Variants in ST6GALNAC3 observed in about 807,000 individuals in gnomAD.
The protein encoded by ST6GALNAC3 is alpha-N-acetylgalactosaminide alpha-2,6-sialyltransferase 3.
A neutral mutation model predicts 32.7 loss-of-function variants in ST6GALNAC3; 25 were observed. The ratio of observed to expected loss-of-function variants is 0.76; its 90% confidence interval spans 0.56 to 1.07. ST6GALNAC3 has a LOEUF of 1.07. Ranked by LOEUF, ST6GALNAC3 falls within the 50% of genes least tolerant of loss-of-function variation. The pLI, the probability that ST6GALNAC3 is intolerant of heterozygous loss-of-function variation, is 0.00. For missense variants in ST6GALNAC3, 355 were observed against 382.4 expected (o/e 0.93, Z 0.60); for synonymous variants, 129 against 133.1 (o/e 0.97, Z 0.21).
intron 2 of ST6GALNAC3, among the ~76,000 whole-genome samples, chr1:76,352,049 G>C (rs1448363442): frequency 2.0e-5 from 3 of 151,902 alleles, no homozygotes; most frequent in African/African-American, 7.3e-5. Flanking sequence ...ATGTGGGAGG[G>C]GGTATAAGTA....
intron 3 of ST6GALNAC3, among the ~76,000 whole-genome samples, chr1:76,470,005 A>G (rs1242201396): frequency 6.6e-6 from 1 of 152,084 alleles, no homozygotes; most frequent in African/African-American, 2.4e-5. Flanking sequence ...TAAAACTTCA[A>G]CTACTAAATA....
chr1:76,562,946 A>G (rs1665332497), intron 3 of ST6GALNAC3, among the ~76,000 whole-genome samples: 1 of 152,152 alleles, frequency 6.6e-6, no homozygotes, highest in Non-Finnish European at 1.5e-5. Flanking sequence ...TTGCACATAG[A>G]AGGAAGGCAT....
chr1:76,616,082 A>G (rs1648273105), intron 3 of ST6GALNAC3, among the ~76,000 whole-genome samples: 3 of 152,186 alleles, frequency 2.0e-5, no homozygotes, highest in African/African-American at 7.2e-5. Context: ...TGCACAGAAG[A>G]ACTTCTTCCA....
intron 1 of ST6GALNAC3, among the ~76,000 whole-genome samples, chr1:76,091,065 C>T (rs1402475369): frequency 6.6e-6 from 1 of 152,160 alleles, no homozygotes; most frequent in Non-Finnish European, 1.5e-5. Context: ...GCAATGACAT[C>T]TCTCTCCTTG....
chr1:76,385,321 A>G (rs929012907), intron 2 of ST6GALNAC3, among the ~76,000 whole-genome samples: 1 of 152,112 alleles, frequency 6.6e-6, no homozygotes, highest in Admixed American at 6.6e-5. Flanking sequence ...TTATTATGGA[A>G]CTAGATATAA....
rs1009699009 is a variant in ST6GALNAC3, at chr1:76,202,267, C to CGTGTGT, written c.19-111538_19-111537insGTGTGT. On this transcript the variant is annotated intron_variant, in intron 1 of 4. Transcript: ENST00000328299. Reference sequence around the variant, plus strand: ...TGTGGGTGGAGAGTGTGTGTGCATGCATGTGTGTGTGTGTGTGTGTGTGTG... The same window carrying CGTGTGT: ...TGTGGGTGGAGAGTGTGTGTGCATGCGTGTGTATGTGTGTGTGTGTGTGTGTGTGTG... 3.1e-3 allele frequency among the ~76,000 whole-genome samples: 301 copies of CGTGTGT among 96,868 alleles called. 1 individual carries two copies. Among genetic ancestry groups the CGTGTGT allele is most frequent in the African/African-American group, 0.01 (276 of 27,106 alleles). The allele number at this position is 96,868 out of a possible 152,430, so 63.5% of individuals were successfully genotyped here.
intron 2 of ST6GALNAC3, among the ~76,000 whole-genome samples, chr1:76,377,655 A>C (rs575263131): frequency 6.6e-6 from 1 of 152,168 alleles, no homozygotes; most frequent in Non-Finnish European, 1.5e-5. Flanking sequence ...AAACTATATC[A>C]TTGAGTATCC....
intron 3 of ST6GALNAC3, among the ~76,000 whole-genome samples, chr1:76,556,821 A>G (rs1664955387): frequency 6.6e-6 from 1 of 152,096 alleles, no homozygotes; most frequent in Non-Finnish European, 1.5e-5. Flanking sequence ...CTTGTGGGCT[A>G]TCTTTTCACT....
intron 3 of ST6GALNAC3, among the ~76,000 whole-genome samples, chr1:76,536,736 A>C (rs1014554556): frequency 3.2e-5 from 4 of 125,524 alleles, no homozygotes; most frequent in African/African-American, 1.1e-4. Context: ...AGATCAAAAA[A>C]GACAAAGAAG....
chr1:76,634,054 C>A lies in ST6GALNAC3; in HGVS notation c.*5248C>A. 1 of 493,984 alleles carries A rather than the reference C, an allele frequency of 2.0e-6. No homozygotes were observed. The highest frequency in any genetic ancestry group is 2.6e-6 in the Non-Finnish European group (1 of 383,148). The allele number at this position is 493,984 out of a possible 1,614,324, so 30.6% of individuals were successfully genotyped here. On this transcript the variant is annotated 3_prime_UTR_variant, in exon 5 of 5. Coordinates refer to ENST00000328299, the MANE Select transcript of ST6GALNAC3 (RefSeq NM_152996.4). ...ATTTAGTTTTTTTCTTTTTTTTTTT[C>A]AGTTAACTACTTGTTTGTTTCTTTT... is the stretch of plus-strand genomic sequence containing the variant.
chr1:76,147,346 A>G (rs1174924816), intron 1 of ST6GALNAC3, among the ~76,000 whole-genome samples: 2 of 152,176 alleles, frequency 1.3e-5, no homozygotes, highest in African/African-American at 4.8e-5. Flanking sequence ...TACAGGCGTG[A>G]GCTGCTGTTC....
At chr1:76,434,259 G>T (rs1655974299) in intron 3 of ST6GALNAC3, among the ~76,000 whole-genome samples, 3 of 152,174 alleles carry the variant, frequency 2.0e-5, no homozygotes, top group Non-Finnish European at 2.9e-5. Context: ...TGCTTGTAAA[G>T]TTGTTTTTAC....
At chr1:76,609,402 G>A (rs974893386) in intron 3 of ST6GALNAC3, among the ~76,000 whole-genome samples, 8 of 152,032 alleles carry the variant, frequency 5.3e-5, no homozygotes, top group Non-Finnish European at 4.4e-5. Context: ...TTTTTTATTA[G>A]GTGTTAAAGA....
At chr1:76,245,302 T>A (rs1295570581) in intron 1 of ST6GALNAC3, among the ~76,000 whole-genome samples, 2 of 152,146 alleles carry the variant, frequency 1.3e-5, no homozygotes, top group Non-Finnish European at 2.9e-5. Flanking sequence ...TTTGATTGTG[T>A]CTATTTGATT....
chr1:76,488,843 G>T (rs560947502), intron 3 of ST6GALNAC3, among the ~76,000 whole-genome samples: 1 of 152,276 alleles, frequency 6.6e-6, no homozygotes, highest in South Asian at 2.1e-4. Flanking sequence ...CCAAGCCTGT[G>T]TTCTCTTTCA....
intron 1 of ST6GALNAC3, among the ~76,000 whole-genome samples, chr1:76,253,696 G>A (rs557692157): frequency 6.6e-6 from 1 of 152,308 alleles, no homozygotes; most frequent in South Asian, 2.1e-4. Flanking sequence ...CCATGGTGAT[G>A]TATAGTTATA....
At chr1:76,554,413 A>G (rs1022684150) in intron 3 of ST6GALNAC3, among the ~76,000 whole-genome samples, 1 of 152,106 alleles carries the variant, frequency 6.6e-6, no homozygotes, top group Admixed American at 6.5e-5. Context: ...CTCAGCTTCA[A>G]AAAAAACCCC....
chr1:76,140,328 G>A (rs1650233498), intron 1 of ST6GALNAC3, among the ~76,000 whole-genome samples: 1 of 152,132 alleles, frequency 6.6e-6, no homozygotes, highest in African/African-American at 2.4e-5. Flanking sequence ...CCCTTGCTGT[G>A]CCTCTGAAGG....
At chr1:76,528,392 GTCT>G (rs143219978) in intron 3 of ST6GALNAC3, among the ~76,000 whole-genome samples, 2,374 of 152,196 alleles carry the variant, frequency 0.016, 59 homozygotes, top group African/African-American at 0.054. Context: ...TTGAACCCAG[GTCT>G]TCTTCGGGAT....
Sources: allele counts gnomAD v4.1 joint callset (sites outside exome capture counted in the v4.1 genomes callset), GRCh38; gene constraint gnomAD v4.1.1; transcripts MANE v1.5; gene names NCBI Gene and HGNC (gene_info 2026-07-23, HGNC 2026-07-21).